BACH2: variants seen among roughly 807,000 people sequenced by gnomAD.
BACH2 encodes the protein transcription regulator protein BACH2.
A neutral mutation model predicts 61.8 loss-of-function variants in BACH2; 5 were observed. The observed-to-expected ratio is 0.08, with a 90% CI of 0.04 to 0.17. BACH2 has a LOEUF of 0.17. Among genes scored for constraint, BACH2 ranks in the 10% least tolerant of loss-of-function variants. BACH2 has a pLI of 1.00. For synonymous variants in BACH2, 446 were observed against 440.1 expected (o/e 1.01, Z -0.17); for missense variants, 824 against 1,091.1 (o/e 0.76, Z 3.45).
intron 4 of BACH2, among the ~76,000 whole-genome samples, chr6:90,176,248 A>C (rs2127839304): frequency 6.6e-6 from 1 of 152,312 alleles, no homozygotes; most frequent in East Asian, 1.9e-4. Flanking sequence ...CAGGAGTTTC[A>C]GATGTTAACC....
At chr6:90,238,750 T>C (rs1770339141) in intron 3 of BACH2, among the ~76,000 whole-genome samples, 1 of 152,202 alleles carries the variant, frequency 6.6e-6, no homozygotes, top group African/African-American at 2.4e-5. Flanking sequence ...TTGTTTTTAA[T>C]CAGACTAATT....
At chr6:90,270,998 T>C (rs934035105) in intron 2 of BACH2, among the ~76,000 whole-genome samples, 1 of 152,096 alleles carries the variant, frequency 6.6e-6, no homozygotes, top group African/African-American at 2.4e-5. Flanking sequence ...ATTCAATAAA[T>C]GGTGCTGGAA....
chr6:89,981,984 T>A (rs1775983758), intron 6 of BACH2, among the ~76,000 whole-genome samples: 2 of 152,012 alleles, frequency 1.3e-5, no homozygotes. Context: ...TTTCTTTTTT[T>A]TTTGGAGACA....
chr6:89,944,406 CACTT>C (rs535885057), intron 7 of BACH2, among the ~76,000 whole-genome samples: 177 of 152,362 alleles, frequency 1.2e-3, no homozygotes, highest in African/African-American at 4.0e-3. Context: ...GAATTCCAGA[CACTT>C]ACAATGTTCT....
intron 6 of BACH2, among the ~76,000 whole-genome samples, chr6:89,983,671 AAAAT>A (rs1776080245): frequency 6.6e-6 from 1 of 152,208 alleles, no homozygotes; most frequent in East Asian, 1.9e-4. Flanking sequence ...CTCCGTCCAA[AAAAT>A]AAATAAATAA....
chr6:90,123,266 G>GAAC (rs1229286595), intron 4 of BACH2, among the ~76,000 whole-genome samples: 1 of 152,208 alleles, frequency 6.6e-6, no homozygotes, highest in Non-Finnish European at 1.5e-5. Flanking sequence ...ATGAGCTGAG[G>GAAC]AACACCTGGA....
intron 5 of BACH2, among the ~76,000 whole-genome samples, chr6:90,015,011 T>C (rs1777983473): frequency 6.6e-6 from 1 of 150,998 alleles, no homozygotes; most frequent in African/African-American, 2.4e-5. Flanking sequence ...CAACTCTTGG[T>C]GTCAAGTGAT....
At chr6:90,150,183 T>C (rs1202624410) in intron 4 of BACH2, among the ~76,000 whole-genome samples, 2 of 152,136 alleles carry the variant, frequency 1.3e-5, no homozygotes, top group Non-Finnish European at 2.9e-5. Context: ...CTGCAGCGTC[T>C]CTCATGCCCG....
In BACH2 at chr6:90,005,164, G is replaced by A. The variant is rs557965482; in HGVS notation, c.243+3438C>T. On this transcript the variant is annotated intron_variant, in intron 6 of 8. Coordinates refer to ENST00000257749, the MANE Select transcript of BACH2 (RefSeq NM_021813.4). ...GGAATTGCACAACTGGACAGTCGCT[G>A]GACGGCAGATCTGGGTTTGGCCTAA... Among the ~76,000 whole-genome samples the A allele has an allele frequency of 3.3e-5, 5 of 152,216 alleles. No individual in the cohort carries two copies. The South Asian group carries it at 1.0e-3, about 32-fold the overall frequency.
At chr6:90,055,051 TA>T (rs1780257889) in intron 5 of BACH2, among the ~76,000 whole-genome samples, 1 of 152,102 alleles carries the variant, frequency 6.6e-6, no homozygotes, top group Non-Finnish European at 1.5e-5. Flanking sequence ...CTGGAAACTC[TA>T]AAAATCAGAG....
chr6:89,939,982 G>A (rs935328717), intron 7 of BACH2, among the ~76,000 whole-genome samples: 1 of 151,514 alleles, frequency 6.6e-6, no homozygotes, highest in Non-Finnish European at 1.5e-5. Context: ...TATTACAGGT[G>A]GGAGCCACTA....
In BACH2 at chr6:90,254,256, G is replaced by C. The variant is rs1770905833; in HGVS notation, c.-352-1666C>G. On this transcript the variant is annotated intron_variant, in intron 2 of 8. Transcript: ENST00000257749. Reference sequence around the variant, plus strand: ...TAGAAATAAATGATCCCTACAGACAGACTCAATTAAGTATACAGCATAATT... The same window carrying C: ...TAGAAATAAATGATCCCTACAGACACACTCAATTAAGTATACAGCATAATT... 2.0e-5 allele frequency among the ~76,000 whole-genome samples: 3 copies of C among 151,546 alleles called. No individual in the cohort carries two copies. In the South Asian group the frequency reaches 6.3e-4, roughly 32 times the overall value.
intron 4 of BACH2, among the ~76,000 whole-genome samples, chr6:90,190,648 C>T (rs1219042346): frequency 6.6e-6 from 1 of 152,240 alleles, no homozygotes; most frequent in Non-Finnish European, 1.5e-5. Context: ...CTACAGACTT[C>T]AAAGATAATC....
intron 4 of BACH2, among the ~76,000 whole-genome samples, chr6:90,192,594 C>A (rs1047677564): frequency 2.0e-5 from 3 of 152,128 alleles, no homozygotes; most frequent in African/African-American, 7.2e-5. Flanking sequence ...GGAAATATAT[C>A]ATTTTTCAGC....
At chr6:90,151,317 C>T (rs1422644672) in intron 4 of BACH2, among the ~76,000 whole-genome samples, 2 of 152,140 alleles carry the variant, frequency 1.3e-5, no homozygotes, top group Non-Finnish European at 1.5e-5. Flanking sequence ...CAGAGTCTTG[C>T]TCTGTTGCCC....
Position 90,030,244 on chromosome 6 carries a change from G to A in BACH2, c.-12-21388C>T, listed in dbSNP as rs186113294. ...CCTTTCCGCAGCCCTCAGGAAAACA[G>A]CCAGCACACAGGACCCTCAATGGCA... On this transcript the variant is annotated intron_variant, in intron 5 of 8. Transcript: ENST00000257749. Among the ~76,000 whole-genome samples, 218 of 152,214 alleles carry A rather than the reference G, an allele frequency of 1.4e-3. 2 individuals carry two copies. The highest frequency in any genetic ancestry group is 1.8e-4 in the Non-Finnish European group (12 of 68,028).
At chr6:90,048,411 C>T (rs1466738400) in intron 5 of BACH2, among the ~76,000 whole-genome samples, 1 of 152,142 alleles carries the variant, frequency 6.6e-6, no homozygotes, top group Non-Finnish European at 1.5e-5. Context: ...CTTCATGCTG[C>T]CATGGCATGT....
intron 4 of BACH2, among the ~76,000 whole-genome samples, chr6:90,203,810 G>A: frequency 6.6e-6 from 1 of 152,074 alleles, no homozygotes; most frequent in Non-Finnish European, 1.5e-5. Flanking sequence ...TTTTTAGCTG[G>A]CACTGATACA....
chr6:90,198,350 C>T (rs1768836362), intron 4 of BACH2, among the ~76,000 whole-genome samples: 1 of 152,118 alleles, frequency 6.6e-6, no homozygotes, highest in Non-Finnish European at 1.5e-5. Flanking sequence ...ACTCATCCAC[C>T]GACTCTCCTC....
Sources: allele counts gnomAD v4.1 joint callset (sites outside exome capture counted in the v4.1 genomes callset), GRCh38; gene constraint gnomAD v4.1.1; transcripts MANE v1.5; gene names NCBI Gene and HGNC (gene_info 2026-07-23, HGNC 2026-07-21).